Variants in KDM2A observed in about 807,000 individuals in gnomAD.
KDM2A encodes lysine-specific demethylase 2A.
A neutral mutation model predicts 137.3 loss-of-function variants in KDM2A; 3 were observed. The observed-to-expected ratio is 0.02, with a 90% CI of 0.01 to 0.06. The LOEUF (loss-of-function observed/expected upper bound fraction) is 0.06. KDM2A is among the 10% of genes least tolerant of loss of function. The pLI, the probability that KDM2A is intolerant of heterozygous loss-of-function variation, is 1.00. For synonymous variants in KDM2A, 512 were observed against 541.5 expected, an observed-to-expected ratio of 0.95 and a Z score of 0.76; for missense variants, 738 against 1,510.6, an observed-to-expected ratio of 0.49 and a Z score of 8.48.
At chr11:67,203,328 G>A (rs1857698765) in intron 5 of KDM2A, among the ~76,000 whole-genome samples, 1 of 151,224 alleles carries the variant, frequency 6.6e-6, no homozygotes, top group African/African-American at 2.4e-5. Flanking sequence ...TGGAATAGTT[G>A]CTTTATTGCA....
intron 5 of KDM2A, among the ~76,000 whole-genome samples, chr11:67,201,173 G>A (rs562589900): frequency 3.1e-4 from 46 of 149,140 alleles, no homozygotes; most frequent in Middle Eastern, 3.4e-3. Context: ...CAGCCTGGGC[G>A]ACTGAGCAAG....
chr11:67,143,001 T>TTA (rs749189143), intron 2 of KDM2A, among the ~76,000 whole-genome samples: 50 of 150,622 alleles, frequency 3.3e-4, no homozygotes, highest in Middle Eastern at 3.4e-3. Context: ...AACACTTCAG[T>TTA]TATATATATA....
At chr11:67,239,539 G>A (rs972141642) in intron 12 of KDM2A, among the ~76,000 whole-genome samples, 2 of 152,220 alleles carry the variant, frequency 1.3e-5, no homozygotes, top group Non-Finnish European at 2.9e-5. Flanking sequence ...GAAGCAGGCA[G>A]TGTGCCGGAG....
In KDM2A at chr11:67,254,510, G is replaced by A; in HGVS notation, c.3307+92G>A. ...AGTAAACCAGAATGACCTTGGGTCT[G>A]TTGATTGACCCACATCAGCTCATTT... On this transcript the variant is annotated intron_variant, in intron 20 of 20. Transcript: ENST00000529006. The surrounding 1 kb of genome is among the most constrained non-coding windows in gnomAD (Gnocchi z 4.7). 9.2e-7 allele frequency: 1 copy of A among 1,087,510 alleles called. No homozygotes were observed. Among genetic ancestry groups the A allele is most frequent in the Non-Finnish European group, 1.4e-6 (1 of 715,376 alleles). The allele number at this position is 1,087,510 out of a possible 1,614,324, so 67.4% of individuals were successfully genotyped here. A position where few individuals can be genotyped will look rare whatever the true frequency, so the allele number is the denominator to read the frequency against.
chr11:67,255,898 G>A lies in KDM2A; in HGVS notation c.*843G>A. Reference sequence around the variant, plus strand: ...TCCCACTGACTGCCCTTTTCCATGTGTCTTCATTCTGCCTGAAGAAGGCTT... The same window carrying A: ...TCCCACTGACTGCCCTTTTCCATGTATCTTCATTCTGCCTGAAGAAGGCTT... On this transcript the variant is annotated 3_prime_UTR_variant, in exon 21 of 21. Transcript: ENST00000529006. 4.1e-6 allele frequency: 1 copy of A among 241,046 alleles called. No individual in the cohort carries two copies. Among genetic ancestry groups the A allele is most frequent in the South Asian group, 4.1e-5 (1 of 24,272 alleles). 14.9% of individuals were successfully genotyped at this position (241,046 alleles called of 1,614,324 possible).
At chr11:67,203,233 A>G (rs1285842148) in intron 5 of KDM2A, among the ~76,000 whole-genome samples, 2 of 151,690 alleles carry the variant, frequency 1.3e-5, no homozygotes, top group African/African-American at 4.8e-5. Flanking sequence ...TTTTTTAGAT[A>G]CAGTGCTGTT....
At chr11:67,144,962 C>G (rs1856209769) in intron 2 of KDM2A, among the ~76,000 whole-genome samples, 1 of 151,496 alleles carries the variant, frequency 6.6e-6, no homozygotes, top group African/African-American at 2.4e-5. Context: ...ACTTTGCCTC[C>G]CGGGTCATGT....
intron 5 of KDM2A, among the ~76,000 whole-genome samples, chr11:67,203,108 G>A (rs1182021050): frequency 6.6e-6 from 1 of 152,016 alleles, no homozygotes; most frequent in African/African-American, 2.4e-5. Flanking sequence ...TCAGTCAGCA[G>A]CCCTCAACAA....
chr11:67,168,663 A>ACACG (rs1856808139), intron 2 of KDM2A, among the ~76,000 whole-genome samples: 1 of 146,800 alleles, frequency 6.8e-6, no homozygotes, highest in Non-Finnish European at 1.5e-5. Flanking sequence ...ACACACACAC[A>ACACG]CGGTCGGGGG....
intron 5 of KDM2A, among the ~76,000 whole-genome samples, chr11:67,204,376 C>T (rs1857738821): frequency 6.6e-6 from 1 of 152,110 alleles, no homozygotes; most frequent in Non-Finnish European, 1.5e-5. Flanking sequence ...TAACTCCTGG[C>T]AACAACAAAT....
At chr11:67,182,492 C>T (rs1189784498) in intron 5 of KDM2A, among the ~76,000 whole-genome samples, 1 of 151,034 alleles carries the variant, frequency 6.6e-6, no homozygotes, top group Non-Finnish European at 1.5e-5. Context: ...CCTCAGCATC[C>T]TTAGGAGTTC....
intron 2 of KDM2A, among the ~76,000 whole-genome samples, chr11:67,128,009 CTTTTT>C (rs56704753): frequency 2.8e-5 from 3 of 107,876 alleles, no homozygotes; most frequent in East Asian, 2.4e-4. Flanking sequence ...CACACCCGGC[CTTTTT>C]TTTTTTTTTT....
intron 12 of KDM2A, chr11:67,240,106 A>G (rs1284663681): frequency 5.8e-6 from 8 of 1,375,830 alleles, no homozygotes; most frequent in Non-Finnish European, 7.5e-6. Flanking sequence ...TCGCAGGCAC[A>G]GGAAGCCGCG....
intron 2 of KDM2A, among the ~76,000 whole-genome samples, chr11:67,122,142 G>A (rs1283194904): frequency 6.6e-6 from 1 of 152,152 alleles, no homozygotes; most frequent in African/African-American, 2.4e-5. Context: ...TGGGCTATGA[G>A]GAAAGCGACA....
In KDM2A at chr11:67,245,307, T is replaced by C; in HGVS notation, c.1682T>C (p.Val561Ala). 1 of 1,614,044 alleles carries C rather than the reference T, an allele frequency of 6.2e-7. No individual in the cohort carries two copies. ...PVRPAAASPI[V>A]SGARRRRVRC... Reference sequence around the variant, plus strand: ...AGGCCAGCTGCTGCCTCCCCGATTGTGTCAGGAGCCAGACGGAGACGAGTG... The same window carrying C: ...AGGCCAGCTGCTGCCTCCCCGATTGCGTCAGGAGCCAGACGGAGACGAGTG... The change falls in exon 14 of 21, where the codon GTG becomes GCG. Residue 561 changes from valine to alanine, a missense_variant. By Grantham distance (64) the Val-to-Ala change is moderately conservative. Coordinates refer to ENST00000529006, the MANE Select transcript of KDM2A (RefSeq NM_012308.3). This position sits in a 1 kb window ranked among gnomAD's most constrained non-coding sequence, Gnocchi z 4.1.
At chr11:67,203,433 A>G (rs913240720) in intron 5 of KDM2A, among the ~76,000 whole-genome samples, 12 of 21,112 alleles carry the variant, frequency 5.7e-4, no homozygotes, top group Admixed American at 7.2e-4. Context: ...GTCTATAATA[A>G]ATAATATATT....
chr11:67,123,225 C>T (rs1006152493), intron 2 of KDM2A, among the ~76,000 whole-genome samples: 8 of 150,088 alleles, frequency 5.3e-5, no homozygotes, highest in African/African-American at 2.0e-4. Context: ...ATCCTCCCAC[C>T]TTGGCATCCC....
At chr11:67,156,196 T>C (rs1205714038) in intron 2 of KDM2A, among the ~76,000 whole-genome samples, 2 of 148,624 alleles carry the variant, frequency 1.3e-5, no homozygotes, top group Non-Finnish European at 3.0e-5. Context: ...TGTGGTGAGC[T>C]GAGATCATGC....
At chr11:67,124,472 C>T (rs12284445) in intron 2 of KDM2A, among the ~76,000 whole-genome samples, 12,266 of 151,748 alleles carry the variant, frequency 0.081, 1,670 homozygotes, top group African/African-American at 0.28. Context: ...CCACCATGCC[C>T]GGCTAATTTT....
Sources: allele counts gnomAD v4.1 joint callset (sites outside exome capture counted in the v4.1 genomes callset), GRCh38; gene constraint gnomAD v4.1.1; non-coding constraint Gnocchi (gnomAD v3.1); transcripts MANE v1.5; gene names NCBI Gene and HGNC (gene_info 2026-07-23, HGNC 2026-07-21).